Variants in HMCN1 observed in about 807,000 individuals in gnomAD.
HMCN1 encodes hemicentin 1, also known as hemicentin-1.
Under a neutral mutation model 625.9 loss-of-function variants are expected in HMCN1, and 321 were observed. That is an observed-to-expected ratio of 0.51 (90% CI 0.47 to 0.56). HMCN1 has a LOEUF of 0.56. Ranked by LOEUF, HMCN1 falls within the 20% of genes least tolerant of loss-of-function variation. The probability of loss-of-function intolerance (pLI) is 0.00; values close to 1 mark genes in which losing one functional copy is unlikely to be tolerated. For synonymous variants in HMCN1, 2,425 were observed against 2,417.6 expected, an observed-to-expected ratio of 1.00 and a Z score of -0.09; for missense variants, 6,588 against 6,887.3, an observed-to-expected ratio of 0.96 and a Z score of 1.54.
At position 186,183,752 on chromosome 1, in the gene HMCN1, A is replaced by G. The variant is rs139136739; in HGVS notation, c.16414+1465A>G. ...AGAGGTAGGACTTGACCTCAGATCT[A>G]TATGTCTAGAATAGTCCTTTGTCTC... is the stretch of plus-strand genomic sequence containing the variant. On this transcript the variant is annotated intron_variant, in intron 105 of 106. Transcript: ENST00000271588. 3.0e-3 allele frequency among the ~76,000 whole-genome samples: 459 copies of G among 152,274 alleles called. 1 individual carries two copies. Among genetic ancestry groups the G allele is most frequent in the African/African-American group, 0.011 (441 of 41,546 alleles).
intron 11 of HMCN1, among the ~76,000 whole-genome samples, chr1:185,944,664 A>G (rs1668247508): frequency 6.6e-6 from 1 of 152,192 alleles, no homozygotes; most frequent in Non-Finnish European, 1.5e-5. Flanking sequence ...GTAGCTGCTA[A>G]GGAGAGTTCT....
chr1:185,891,378 C>G (rs1240907290), intron 4 of HMCN1, among the ~76,000 whole-genome samples: 1 of 147,078 alleles, frequency 6.8e-6, no homozygotes, highest in Admixed American at 6.6e-5. Context: ...TTATTTTGCT[C>G]GTTAGTTGAT....
chr1:185,964,040 A>C, intron 13 of HMCN1, 145 bp downstream of exon 13: 2 of 717,402 alleles, frequency 2.8e-6, no homozygotes, highest in Non-Finnish European at 4.7e-6. Context: ...ATTGAAGCAA[A>C]TATTGTAACC....
chr1:186,061,627 CATT>C (rs971721696), intron 46 of HMCN1, among the ~76,000 whole-genome samples: 1 of 152,120 alleles, frequency 6.6e-6, no homozygotes, highest in African/African-American at 2.4e-5. Context: ...TGTCACCTAA[CATT>C]ATATTTATTT....
rs540499857 is a variant in HMCN1 at position 185,887,463 on chromosome 1, G to T, written c.621+21600G>T. 2.0e-3 allele frequency among the ~76,000 whole-genome samples: 237 copies of T among 115,772 alleles called. 2 individuals are homozygous for T. Among genetic ancestry groups the T allele is most frequent in the Non-Finnish European group, 3.5e-3 (185 of 53,330 alleles). 76.0% of individuals were successfully genotyped at this position (115,772 alleles called of 152,430 possible). A position where few individuals can be genotyped will look rare whatever the true frequency, so the allele number is the denominator to read the frequency against. On this transcript the variant is annotated intron_variant, in intron 4 of 106. Coordinates refer to ENST00000271588, the MANE Select transcript of HMCN1 (RefSeq NM_031935.3). ...CCAATGCTATCCCTCCCCCCTCCCC[G>T]CACCCCACAACAGTCCCCAGAGTGT...
intron 49 of HMCN1, among the ~76,000 whole-genome samples, chr1:186,067,009 C>A (rs1658160273): frequency 6.6e-6 from 1 of 152,128 alleles, no homozygotes; most frequent in Admixed American, 6.6e-5. Flanking sequence ...CTGAAATTCC[C>A]ATAAGCACTT....
intron 93 of HMCN1, among the ~76,000 whole-genome samples, chr1:186,147,661 C>T (rs1478424064): frequency 6.6e-6 from 1 of 152,128 alleles, no homozygotes; most frequent in South Asian, 2.1e-4. Context: ...TGCAACAGAG[C>T]AAGGCACATG....
chr1:186,178,981 T>C (rs1652771157), intron 104 of HMCN1, among the ~76,000 whole-genome samples: 1 of 152,238 alleles, frequency 6.6e-6, no homozygotes, highest in African/African-American at 2.4e-5. Flanking sequence ...TAATAATTTA[T>C]TGTGTTATAG....
chr1:185,735,107 C>T, intron 1 of HMCN1, 60 bp downstream of exon 1: 1 of 1,527,382 alleles, frequency 6.5e-7, no homozygotes, highest in Non-Finnish European at 9.1e-7. Flanking sequence ...ATTTCTCATG[C>T]TGTGAATGAA....
At chr1:186,136,442 C>T (rs1179485418) in intron 86 of HMCN1, among the ~76,000 whole-genome samples, 3 of 152,040 alleles carry the variant, frequency 2.0e-5, no homozygotes, top group Admixed American at 6.6e-5. Context: ...AGAGCCCATG[C>T]TCTAGGCTAA....
intron 4 of HMCN1, among the ~76,000 whole-genome samples, chr1:185,879,966 A>G (rs1173020229): frequency 2.0e-5 from 3 of 152,184 alleles, no homozygotes. Flanking sequence ...AGGCAGCAAT[A>G]AAGAGAGATG....
intron 76 of HMCN1, 116 bp from the exon 77 acceptor site, chr1:186,117,343 C>CT: frequency 7.8e-7 from 1 of 1,278,834 alleles, no homozygotes; most frequent in Non-Finnish European, 1.1e-6. Context: ...AATCCCTTTT[C>CT]TACTTACCTA....
intron 4 of HMCN1, among the ~76,000 whole-genome samples, chr1:185,876,777 A>G (rs976104100): frequency 6.6e-6 from 1 of 150,648 alleles, no homozygotes; most frequent in African/African-American, 2.4e-5. Flanking sequence ...CTTCTTGTTG[A>G]GTTGTTTGAG....
At chr1:185,996,033 A>G (rs12078892) in intron 24 of HMCN1, among the ~76,000 whole-genome samples, 6,330 of 152,228 alleles carry the variant, frequency 0.042, 456 homozygotes, top group African/African-American at 0.14. Context: ...GACACTAATG[A>G]AGAAGTTTTC....
intron 41 of HMCN1, among the ~76,000 whole-genome samples, chr1:186,047,477 A>G (rs1656653156): frequency 6.6e-6 from 1 of 152,122 alleles, no homozygotes; most frequent in Non-Finnish European, 1.5e-5. Context: ...CACAATCCTA[A>G]TTAGTCAGTT....
chr1:185,953,731 G>C (rs1649408263), intron 11 of HMCN1, among the ~76,000 whole-genome samples: 1 of 151,824 alleles, frequency 6.6e-6, no homozygotes, highest in African/African-American at 2.4e-5. Context: ...ACTCCCAAGG[G>C]AGGTCCCCCG....
At chr1:186,057,853 C>T (rs1177192774) in intron 46 of HMCN1, among the ~76,000 whole-genome samples, 1 of 151,950 alleles carries the variant, frequency 6.6e-6, no homozygotes, top group South Asian at 2.1e-4. Flanking sequence ...TGAGCTAAGA[C>T]TTTATTTTCA....
At position 186,039,868 on chromosome 1, in the gene HMCN1, A is replaced by G; in HGVS notation, c.6169A>G (p.Asn2057Asp). 6.2e-7 allele frequency: 1 copy of G among 1,613,270 alleles called. No homozygotes were observed. The highest frequency in any genetic ancestry group is 1.1e-5 in the South Asian group (1 of 91,078). Residue 2057 changes from asparagine (N) to aspartate (D), a missense_variant, in exon 39 of 107, where the codon AAT becomes GAT. Physicochemically the swap from Asn to Asp is conservative, Grantham distance 23. This residue lies in a region of HMCN1 where 4,628 missense variants were observed against 4,853.1 expected (regional missense o/e 0.95). Transcript: ENST00000271588. Reference sequence around the variant, plus strand: ...TGGGAGTCCTGTTTCTAGTTTTTCTAATGGATTACAGGTACCTTCATTCAT... The same window carrying G: ...TGGGAGTCCTGTTTCTAGTTTTTCTGATGGATTACAGGTACCTTCATTCAT... Reference protein sequence around the residue: ...KDGSPVSSFSNGLQVLSGGRI... With the variant: ...KDGSPVSSFSDGLQVLSGGRI...
At chr1:185,880,754 T>A (rs1664253029) in intron 4 of HMCN1, among the ~76,000 whole-genome samples, 1 of 152,176 alleles carries the variant, frequency 6.6e-6, no homozygotes, top group South Asian at 2.1e-4. Flanking sequence ...AATAGGGGAA[T>A]GAAGTTGGGA....
Sources: allele counts gnomAD v4.1 joint callset (sites outside exome capture counted in the v4.1 genomes callset), GRCh38; gene constraint gnomAD v4.1.1; regional missense constraint gnomAD v4.1.1; transcripts MANE v1.5; gene names NCBI Gene and HGNC (gene_info 2026-07-23, HGNC 2026-07-21).